Variants in NBAS observed in about 807,000 individuals in gnomAD.
NBAS encodes NAG/BC035112 fusion.
NBAS carries 219 observed loss-of-function variants against 302.5 expected under a neutral mutation model. The ratio of observed to expected loss-of-function variants is 0.72; its 90% CI spans 0.65 to 0.81. The LOEUF (loss-of-function observed/expected upper bound fraction) is 0.81. Among genes scored for constraint, NBAS ranks in the 30% least tolerant of loss-of-function variants. NBAS has a pLI of 0.00. For synonymous variants in NBAS, 1,118 were observed against 1,021.6 expected, an observed-to-expected ratio of 1.09 and a Z score of -1.80; for missense variants, 2,932 against 2,841.6, an observed-to-expected ratio of 1.03 and a Z score of -0.72.
chr2:14,824,771 G>A, the NBAS span, among the ~76,000 whole-genome samples: 82 of 152,198 alleles, frequency 5.4e-4, no homozygotes, highest in African/African-American at 1.9e-3. Flanking sequence ...CGGCGATTGC[G>A]ACTTGGAGGC....
chr2:15,177,886 T>C (rs1664626821), intron 51 of NBAS: 1 of 289,874 alleles, frequency 3.4e-6, no homozygotes, highest in African/African-American at 2.2e-5. Context: ...AGGTACGGTA[T>C]TCACAAAACC....
chr2:15,553,833 CCT>C (rs1228500375), intron 4 of NBAS, among the ~76,000 whole-genome samples: 8 of 123,504 alleles, frequency 6.5e-5, no homozygotes, highest in Non-Finnish European at 1.0e-4. Context: ...TCTCTCTCTC[CCT>C]CTCTCCCTCT....
chr2:15,084,777 A>G, the NBAS span, among the ~76,000 whole-genome samples: 2 of 152,064 alleles, frequency 1.3e-5, no homozygotes, highest in South Asian at 2.1e-4. Context: ...AAGTTGGTTC[A>G]CTCAGGGTGT....
chr2:15,508,680 T>A (rs7575720), intron 10 of NBAS, among the ~76,000 whole-genome samples: 89,278 of 150,998 alleles, frequency 0.59, 26,885 homozygotes, highest in Middle Eastern at 0.63. Context: ...TAATTTAAAA[T>A]TTTTTTTTTT....
At chr2:15,025,379 A>C in the NBAS span, among the ~76,000 whole-genome samples, 1 of 152,176 alleles carries the variant, frequency 6.6e-6, no homozygotes, top group Non-Finnish European at 1.5e-5. Flanking sequence ...CTTGCAGTAC[A>C]GTTTGAAGTC....
rs571385925 is a variant in NBAS at position 15,545,038 on chromosome 2, G to A, written c.380-5682C>T. Among the ~76,000 whole-genome samples, 48 of 151,648 alleles carry A rather than the reference G, an allele frequency of 3.2e-4. No individual in the cohort carries two copies. The South Asian group carries it at 9.1e-3, about 29-fold the overall frequency. On this transcript the variant is annotated intron_variant, in intron 6 of 51. Coordinates refer to ENST00000281513, the MANE Select transcript of NBAS (RefSeq NM_015909.4). ...AAAAAAAAAAATATATCCAATACCC[G>A]CGCTATACCCAAGAACCAAATTCTT...
At position 15,433,305 on chromosome 2, in the gene NBAS, C is replaced by A. The variant is rs567098072; in HGVS notation, c.2340-5511G>T. ...CTCACTAGTGAAAGAGGGATAATAA[C>A]AATATTTAGCTCATTTGGATTAGGA... On this transcript the variant is annotated intron_variant, in intron 21 of 51. Coordinates refer to ENST00000281513, the MANE Select transcript of NBAS (RefSeq NM_015909.4). Among the ~76,000 whole-genome samples, 6 of 152,228 alleles carry A rather than the reference C, an allele frequency of 3.9e-5. No homozygotes were observed. The East Asian group carries it at 1.2e-3, about 29-fold the overall frequency.
chr2:15,155,764 C>T, the NBAS span, among the ~76,000 whole-genome samples: 1 of 152,180 alleles, frequency 6.6e-6, no homozygotes, highest in Admixed American at 6.5e-5. Context: ...AAGTAATTGC[C>T]ATACACACAT....
chr2:15,474,325 C>T lies in NBAS; in HGVS notation c.1342-1G>A, dbSNP rs1680094690. On this transcript the variant is annotated splice_acceptor_variant, in intron 14 of 51. Coordinates refer to ENST00000281513, the MANE Select transcript of NBAS (RefSeq NM_015909.4). LOFTEE classifies it high-confidence loss of function. ...GTTTGGGGGCAAGTTTAATCTCACA[C>T]TAAATTGAAAAAGGAGATTTGAAGT... 1 of 1,609,100 alleles carries T rather than the reference C, an allele frequency of 6.2e-7. No homozygotes were observed. The highest frequency in any genetic ancestry group is 8.5e-7 in the Non-Finnish European group (1 of 1,177,898).
intron 44 of NBAS, among the ~76,000 whole-genome samples, chr2:15,245,923 T>C (rs1283477237): frequency 1.3e-5 from 2 of 152,144 alleles, no homozygotes; most frequent in Admixed American, 1.3e-4. Flanking sequence ...TAGCTAAGGG[T>C]TGTACAGAAA....
At chr2:15,362,848 G>T (rs1674004785) in intron 32 of NBAS, among the ~76,000 whole-genome samples, 1 of 152,140 alleles carries the variant, frequency 6.6e-6, no homozygotes, top group Admixed American at 6.6e-5. Flanking sequence ...TTTACGTAAA[G>T]AAGTTTATCC....
At chr2:15,429,258 C>A (rs998251930) in intron 21 of NBAS, among the ~76,000 whole-genome samples, 2 of 152,062 alleles carry the variant, frequency 1.3e-5, no homozygotes, top group Non-Finnish European at 1.5e-5. Flanking sequence ...TCCATGAAAA[C>A]AACTAAATCA....
At chr2:15,329,001 C>T (rs1558539029) in intron 36 of NBAS, among the ~76,000 whole-genome samples, 1 of 152,158 alleles carries the variant, frequency 6.6e-6, no homozygotes, top group Admixed American at 6.6e-5. Flanking sequence ...TCATGATCCC[C>T]ATCTCTTTCA....
chr2:14,925,596 A>G, the NBAS span, among the ~76,000 whole-genome samples: 1 of 152,182 alleles, frequency 6.6e-6, no homozygotes, highest in Non-Finnish European at 1.5e-5. Flanking sequence ...CACTCTTTAC[A>G]GAATGGCATT....
the NBAS span, among the ~76,000 whole-genome samples, chr2:14,939,799 C>A: frequency 6.6e-6 from 1 of 152,222 alleles, no homozygotes; most frequent in Non-Finnish European, 1.5e-5. Context: ...CTGGAAACAA[C>A]TTCTATGAAA....
the NBAS span, among the ~76,000 whole-genome samples, chr2:14,889,195 T>C: frequency 3.9e-4 from 60 of 152,364 alleles, no homozygotes; most frequent in East Asian, 9.8e-3. Flanking sequence ...TGGTGATTTA[T>C]TTAAGCTTGA....
chr2:15,276,459 T>C (rs1281052486), intron 43 of NBAS, among the ~76,000 whole-genome samples: 1 of 152,240 alleles, frequency 6.6e-6, no homozygotes, highest in Admixed American at 6.5e-5. Flanking sequence ...AAGTGTTCCA[T>C]GCATATTTTA....
chr2:15,026,178 C>CATCTATTGAGATAATCATGT, the NBAS span, among the ~76,000 whole-genome samples: 74 of 10,322 alleles, frequency 7.2e-3, 26 homozygotes, highest in East Asian at 0.14. Context: ...CTTTTCTGGC[C>CATCTATTGAGATAATCATGT]GGGCACGGTG....
chr2:15,531,443 G>A (rs984854989), intron 9 of NBAS, among the ~76,000 whole-genome samples: 1 of 152,146 alleles, frequency 6.6e-6, no homozygotes, highest in Non-Finnish European at 1.5e-5. Flanking sequence ...TCTTCAAGAT[G>A]ATCAAACAGC....
Sources: gnomAD v4.1 joint callset for allele counts (sites outside exome capture counted in the v4.1 genomes callset) on GRCh38, gnomAD v4.1.1 for gene constraint, MANE v1.5 for transcripts, NCBI Gene and HGNC (gene_info 2026-07-23, HGNC 2026-07-21) for gene names.